Variants in OPA3 observed in about 807,000 individuals in gnomAD.
The protein encoded by OPA3 is optic atrophy 3 protein.
OPA3 carries 6 observed loss-of-function variants against 4.0 expected under a neutral mutation model. The observed-to-expected ratio is 1.51, with a 90% confidence interval of 0.83 to 2.99. The LOEUF (loss-of-function observed/expected upper bound fraction) is 2.99. OPA3 is among the 30% of genes most tolerant of loss of function. OPA3 has a pLI of 0.00. For missense variants in OPA3, 235 were observed against 256.2 expected (o/e 0.92, Z 0.56); for synonymous variants, 105 against 117.1 (o/e 0.90, Z 0.67).
rs1568401178 is a variant in OPA3 at position 45,551,124 on chromosome 19, C to T, written c.*2390G>A. ...TACAGGCATGCATCACCGCACCTGG[C>T]TAATTTTTTATTTTACTTTTGTAGA... On this transcript the variant is annotated 3_prime_UTR_variant, in exon 2 of 2. Transcript: ENST00000263275. The T allele has an allele frequency of 5.7e-6, 1 of 176,786 alleles. No individual in the cohort carries two copies. Among genetic ancestry groups the T allele is most frequent in the Non-Finnish European group, 1.1e-5 (1 of 90,546 alleles). 11.0% of individuals were successfully genotyped at this position (176,786 alleles called of 1,614,324 possible). A position where few individuals can be genotyped will look rare whatever the true frequency, so the allele number is the denominator to read the frequency against.
chr19:45,528,887 T>G, exon 2 of OPA3: 3 of 723,542 alleles, frequency 4.1e-6, no homozygotes, highest in Non-Finnish European at 4.5e-6. Flanking sequence ...ACTGGGCAGG[T>G]TAGTAGGGAG....
intron 1 of OPA3, among the ~76,000 whole-genome samples, chr19:45,580,440 T>C (rs1453775039): frequency 6.6e-6 from 1 of 150,408 alleles, no homozygotes; most frequent in East Asian, 2.0e-4. Flanking sequence ...ATTACAGGCA[T>C]GCGCCACCAC....
chr19:45,572,472 T>C (rs1969690034), intron 1 of OPA3, among the ~76,000 whole-genome samples: 1 of 134,330 alleles, frequency 7.4e-6, no homozygotes, highest in Non-Finnish European at 1.6e-5. Context: ...ATATATCATA[T>C]AATAATCATA....
chr19:45,537,262 C>A (rs1237906084), intron 1 of OPA3, among the ~76,000 whole-genome samples: 1 of 151,480 alleles, frequency 6.6e-6, no homozygotes, highest in Non-Finnish European at 1.5e-5. Flanking sequence ...AACCTCAGCT[C>A]ACTGCAACCT....
chr19:45,533,947 T>C (rs1013845844), intron 1 of OPA3, among the ~76,000 whole-genome samples: 11 of 152,234 alleles, frequency 7.2e-5, no homozygotes, highest in African/African-American at 2.7e-4. Context: ...TATCAGTTTG[T>C]CAGTTTGCAC....
chr19:45,556,018 A>G (rs1007095179), intron 1 of OPA3, among the ~76,000 whole-genome samples: 2 of 152,220 alleles, frequency 1.3e-5, no homozygotes, highest in Admixed American at 6.5e-5. Flanking sequence ...GGAAGGATGC[A>G]CCAGCTGTTT....
rs190726017 is a variant in OPA3 at position 45,561,281 on chromosome 19, C to T, written c.143-7370G>A. Among the ~76,000 whole-genome samples the T allele has an allele frequency of 1.2e-3, 180 of 152,130 alleles. 1 individual carries two copies. Among genetic ancestry groups the T allele is most frequent in the Admixed American group, 3.4e-3 (52 of 15,286 alleles). ...CTGGGAGGTGGAGGTTACGGTGAGCCGAGATCATGCCATTGCACTCCAGCC... is the reference window on the plus strand; with the variant it reads ...CTGGGAGGTGGAGGTTACGGTGAGCTGAGATCATGCCATTGCACTCCAGCC... On this transcript the variant is annotated intron_variant, in intron 1 of 1. Transcript: ENST00000263275.
At chr19:45,532,163 G>A (rs1465775883) in intron 1 of OPA3, among the ~76,000 whole-genome samples, 2 of 152,238 alleles carry the variant, frequency 1.3e-5, no homozygotes, top group Admixed American at 1.3e-4. Flanking sequence ...TAAAAACCCT[G>A]GACACCAAGG....
exon 2 of OPA3, chr19:45,529,238 C>T (rs746582143): frequency 6.2e-7 from 1 of 1,613,370 alleles, no homozygotes; most frequent in South Asian, 1.1e-5. Context: ...CCCCGCAGCG[C>T]CTCCCTGGCA....
chr19:45,557,033 C>T (rs1295831370), intron 1 of OPA3, among the ~76,000 whole-genome samples: 2 of 152,348 alleles, frequency 1.3e-5, no homozygotes, highest in African/African-American at 4.8e-5. Flanking sequence ...GGGCCCGTAA[C>T]TGTCACTGCC....
intron 1 of OPA3, among the ~76,000 whole-genome samples, chr19:45,581,420 A>G (rs975607942): frequency 2.6e-5 from 4 of 152,086 alleles, no homozygotes. Flanking sequence ...TCAGGTCCCA[A>G]TTCAGATGTC....
chr19:45,556,277 A>G (rs1392270740), intron 1 of OPA3, among the ~76,000 whole-genome samples: 1 of 151,954 alleles, frequency 6.6e-6, no homozygotes. Context: ...CTGAGTAGCT[A>G]GGACAACAGG....
rs969575693 is a variant in OPA3 at position 45,552,438 on chromosome 19, T to TCTCCCGAC, written c.*1068_*1075dup. 1.3e-5 allele frequency: 2 copies of TCTCCCGAC among 153,230 alleles called. No homozygotes were observed. Among genetic ancestry groups the TCTCCCGAC allele is most frequent in the African/African-American group, 4.9e-5 (2 of 41,128 alleles). 9.5% of individuals were successfully genotyped at this position (153,230 alleles called of 1,614,324 possible). ...GGTCAGGCTGGTCTCGAGCTCCCGA[T>TCTCCCGAC]CTCCCGACCTCCCGACTTCAAATGA... On this transcript the variant is annotated 3_prime_UTR_variant, in exon 2 of 2. Transcript: ENST00000263275.
In OPA3 at chr19:45,553,580, C is replaced by G; in HGVS notation, c.474G>C (p.Glu158Asp). The G allele has an allele frequency of 6.2e-7, 1 of 1,612,694 alleles. No individual in the cohort carries two copies. The highest frequency in any genetic ancestry group is 8.5e-7 in the Non-Finnish European group (1 of 1,179,894). The stretch of plus-strand genomic sequence containing the variant: ...CGGGATTGCAGAGCTGGGCGCGCAC[C>G]TCTTGCAGCTCTGTGCGCAGTTCCT... ...ALEELRTELQ[E>D]VRAQLCNPGR... is the part of the protein sequence containing the mutation. The change falls in exon 2 of 2, where the codon GAG (glutamate) becomes GAC (aspartate). Residue 158 changes from glutamate (E) to aspartate (D), a missense_variant. Transcript: ENST00000263275.
chr19:45,557,419 T>A (rs568240793), intron 1 of OPA3, among the ~76,000 whole-genome samples: 5 of 152,186 alleles, frequency 3.3e-5, no homozygotes, highest in Admixed American at 3.3e-4. Flanking sequence ...AAGGGACAGC[T>A]GTGAGGGGCC....
downstream of OPA3, among the ~76,000 whole-genome samples, chr19:45,546,055 C>A (rs1969244981): frequency 6.6e-6 from 1 of 151,956 alleles, no homozygotes; most frequent in African/African-American, 2.4e-5. Context: ...AACGAAGTTG[C>A]CCATCACACA....
At chr19:45,545,798 C>T (rs1207306763), downstream of OPA3, among the ~76,000 whole-genome samples, 1 of 150,672 alleles carries the variant, frequency 6.6e-6, no homozygotes, top group Non-Finnish European at 1.5e-5. Flanking sequence ...CTGCAACCTC[C>T]GTCTCCTGGG....
At chr19:45,542,440 G>A (rs1056595475), downstream of OPA3, among the ~76,000 whole-genome samples, 3 of 152,180 alleles carry the variant, frequency 2.0e-5, no homozygotes, top group African/African-American at 7.2e-5. Flanking sequence ...TAGGCTATGT[G>A]GTAGAGCTTT....
At chr19:45,530,836 G>A (rs918059275) in intron 1 of OPA3, among the ~76,000 whole-genome samples, 1 of 149,846 alleles carries the variant, frequency 6.7e-6, no homozygotes, top group Admixed American at 6.7e-5. Context: ...ATCTTGGCTC[G>A]CTGCAGCCTC....
Sources: gnomAD v4.1 joint callset for allele counts (sites outside exome capture counted in the v4.1 genomes callset) on GRCh38, gnomAD v4.1.1 for gene constraint, MANE v1.5 for transcripts, NCBI Gene and HGNC (gene_info 2026-07-23, HGNC 2026-07-21) for gene names.